The following EPHA6 variants were observed in gnomAD, a reference collection of about 807,000 sequenced individuals.
EPHA6 encodes ephrin type-A receptor 6.
In EPHA6, 50 loss-of-function variants were observed where a neutral mutation model predicts 112.0. That is an observed-to-expected ratio of 0.45 (90% CI 0.36 to 0.56). The LOEUF is 0.56. Ranked by LOEUF, EPHA6 falls within the 20% of genes least tolerant of loss-of-function variation. The pLI, the probability that EPHA6 is intolerant of heterozygous loss-of-function variation, is 0.00. For missense variants in EPHA6, 1,280 were observed against 1,417.4 expected, an observed-to-expected ratio of 0.90 and a Z score of 1.56; for synonymous variants, 529 against 490.7, an observed-to-expected ratio of 1.08 and a Z score of -1.03.
At chr3:97,398,276 A>G (rs980296199) in intron 5 of EPHA6, among the ~76,000 whole-genome samples, 4 of 151,448 alleles carry the variant, frequency 2.6e-5, no homozygotes, top group Non-Finnish European at 5.9e-5. Context: ...TATATATGAA[A>G]ATGACATTTT....
At chr3:97,234,320 A>C (rs2108561750) in intron 4 of EPHA6, among the ~76,000 whole-genome samples, 1 of 152,212 alleles carries the variant, frequency 6.6e-6, no homozygotes, top group East Asian at 1.9e-4. Context: ...TATTATCAAA[A>C]AAAATGCTCC....
chr3:97,513,307 A>G (rs2092396129), intron 10 of EPHA6, among the ~76,000 whole-genome samples: 1 of 152,226 alleles, frequency 6.6e-6, no homozygotes, highest in Non-Finnish European at 1.5e-5. Flanking sequence ...GTATATATCC[A>G]AAGGAAATGA....
intron 3 of EPHA6, among the ~76,000 whole-genome samples, chr3:97,125,683 A>G (rs1456387677): frequency 1.3e-5 from 2 of 152,164 alleles, no homozygotes; most frequent in Non-Finnish European, 2.9e-5. Context: ...ATTCTTTATT[A>G]TTATGTGGAT....
chr3:97,466,243 A>T (rs1193849389), intron 7 of EPHA6: 4 of 1,010,206 alleles, frequency 4.0e-6, no homozygotes, highest in Middle Eastern at 2.1e-4. Flanking sequence ...TGTGTTTATC[A>T]TCAAAATCAA....
intron 10 of EPHA6, among the ~76,000 whole-genome samples, chr3:97,485,094 T>C (rs2091666368): frequency 6.6e-6 from 1 of 152,108 alleles, no homozygotes; most frequent in African/African-American, 2.4e-5. Context: ...GGAACATAGG[T>C]CTCCTCTAGA....
At chr3:97,135,651 A>G (rs2075748450) in intron 3 of EPHA6, among the ~76,000 whole-genome samples, 1 of 151,838 alleles carries the variant, frequency 6.6e-6, no homozygotes, top group African/African-American at 2.4e-5. Flanking sequence ...GTAACCTGTA[A>G]TTCTACAGTG....
chr3:97,529,965 T>C (rs2092677136), intron 10 of EPHA6, among the ~76,000 whole-genome samples: 1 of 152,200 alleles, frequency 6.6e-6, no homozygotes, highest in East Asian at 1.9e-4. Context: ...CAGAAGTTTA[T>C]TTGAATTTCT....
At chr3:97,225,384 A>G (rs867836690) in intron 3 of EPHA6, among the ~76,000 whole-genome samples, 72 of 152,198 alleles carry the variant, frequency 4.7e-4, no homozygotes, top group African/African-American at 1.7e-3. Flanking sequence ...ATTTTGTGAT[A>G]CATTGTCATA....
At chr3:97,672,398 T>G (rs547330719) in intron 14 of EPHA6, among the ~76,000 whole-genome samples, 1 of 152,116 alleles carries the variant, frequency 6.6e-6, no homozygotes, top group Non-Finnish European at 1.5e-5. Context: ...TTCTGAAAAA[T>G]TAGTGGTTTT....
chr3:97,222,911 G>A (rs545271662), intron 3 of EPHA6, among the ~76,000 whole-genome samples: 1 of 152,250 alleles, frequency 6.6e-6, no homozygotes, highest in East Asian at 1.9e-4. Flanking sequence ...ACTAAATTTG[G>A]CCTAAGAAGT....
chr3:97,365,040 A>G (rs1358442885), intron 5 of EPHA6, among the ~76,000 whole-genome samples: 2 of 152,192 alleles, frequency 1.3e-5, no homozygotes, highest in Non-Finnish European at 2.9e-5. Flanking sequence ...CATTATCAAT[A>G]ACTTAGTAAC....
At chr3:97,065,802 G>A (rs776394250) in intron 3 of EPHA6, among the ~76,000 whole-genome samples, 10 of 151,882 alleles carry the variant, frequency 6.6e-5, no homozygotes, top group Non-Finnish European at 1.3e-4. Context: ...AGTGTGTTCA[G>A]ATCATATGAT....
chr3:97,428,015 A>G (rs912784322), intron 6 of EPHA6, among the ~76,000 whole-genome samples: 1 of 152,118 alleles, frequency 6.6e-6, no homozygotes, highest in Non-Finnish European at 1.5e-5. Context: ...CACACAATTT[A>G]TGTAACAAAC....
chr3:97,723,226 T>C (rs539111826), intron 15 of EPHA6, among the ~76,000 whole-genome samples: 2 of 152,310 alleles, frequency 1.3e-5, no homozygotes, highest in East Asian at 3.9e-4. Context: ...GACAGATTTT[T>C]TAGGAGAGCA....
intron 14 of EPHA6, among the ~76,000 whole-genome samples, chr3:97,661,852 A>G (rs2094171619): frequency 6.6e-6 from 1 of 152,130 alleles, no homozygotes; most frequent in African/African-American, 2.4e-5. Context: ...CCTCTTATGG[A>G]TGTCCTGGTA....
rs148674445 is a variant in EPHA6 at position 97,668,680 on chromosome 3, G to A, written c.2784+30598G>A. ...TGTAATCCCAGCACTTTGGGAGGCCGAGGTGGGCAGATCACTTGAGGTCAG... is the reference window on the plus strand; with the variant it reads ...TGTAATCCCAGCACTTTGGGAGGCCAAGGTGGGCAGATCACTTGAGGTCAG... On this transcript the variant is annotated intron_variant, in intron 14 of 17. Transcript: ENST00000389672. Among the ~76,000 whole-genome samples, 1,425 of 151,936 alleles carry A rather than the reference G, an allele frequency of 9.4e-3. 17 individuals carry two copies. Among genetic ancestry groups the A allele is most frequent in the African/African-American group, 0.033 (1,357 of 41,448 alleles).
chr3:97,407,347 A>AACACAC (rs34259097), intron 6 of EPHA6, among the ~76,000 whole-genome samples: 3,874 of 147,338 alleles, frequency 0.026, 166 homozygotes, highest in African/African-American at 0.087. Context: ...ACTGAAATTA[A>AACACAC]ACACACACAC....
At chr3:97,402,038 T>C (rs1412191510) in intron 5 of EPHA6, among the ~76,000 whole-genome samples, 3 of 152,044 alleles carry the variant, frequency 2.0e-5, no homozygotes, top group African/African-American at 4.8e-5. Flanking sequence ...TTATTTCAGT[T>C]TTTATAAACT....
At chr3:97,063,849 A>G (rs1358490291) in intron 3 of EPHA6, among the ~76,000 whole-genome samples, 1 of 152,222 alleles carries the variant, frequency 6.6e-6, no homozygotes, top group Non-Finnish European at 1.5e-5. Flanking sequence ...AAGTAATAAA[A>G]ATAATTGAAT....
Sources: allele counts gnomAD v4.1 joint callset (sites outside exome capture counted in the v4.1 genomes callset), GRCh38; gene constraint gnomAD v4.1.1; transcripts MANE v1.5; gene names NCBI Gene and HGNC (gene_info 2026-07-23, HGNC 2026-07-21).